Variants in SPATS2 observed in about 807,000 individuals in gnomAD.
SPATS2 encodes spermatogenesis-associated serine-rich protein 2.
A neutral mutation model predicts 63.7 loss-of-function variants in SPATS2; 38 were observed. That is an observed-to-expected ratio of 0.60 (90% CI 0.46 to 0.78). SPATS2 has a LOEUF of 0.78. Among genes scored for constraint, SPATS2 ranks in the 30% least tolerant of loss-of-function variants. SPATS2 has a pLI of 0.00. For missense variants in SPATS2, 588 were observed against 666.2 expected, an observed-to-expected ratio of 0.88 and a Z score of 1.29; for synonymous variants, 207 against 232.9, an observed-to-expected ratio of 0.89 and a Z score of 1.01.
chr12:49,449,395 T>C (rs1945576985), intron 2 of SPATS2, among the ~76,000 whole-genome samples: 1 of 152,150 alleles, frequency 6.6e-6, no homozygotes, highest in Non-Finnish European at 1.5e-5. Flanking sequence ...TTTGTATTTT[T>C]AGTAGAAACG....
At chr12:49,473,823 T>C (rs1359138421) in intron 3 of SPATS2, among the ~76,000 whole-genome samples, 1 of 152,250 alleles carries the variant, frequency 6.6e-6, no homozygotes, top group Non-Finnish European at 1.5e-5. Flanking sequence ...TACAGGGTTA[T>C]TCCTTTTACA....
At position 49,478,965 on chromosome 12, in the gene SPATS2, C is replaced by T. The variant is rs1478436455; in HGVS notation, c.26-5625C>T. ...GGGTACCTCCTCTCTGTAGGCAGGTCGTCTCCTACAGAGTATTCAGCTCTC... is the reference window on the plus strand; with the variant it reads ...GGGTACCTCCTCTCTGTAGGCAGGTTGTCTCCTACAGAGTATTCAGCTCTC... On this transcript the variant is annotated intron_variant, in intron 3 of 13. Transcript: ENST00000552918. Among the ~76,000 whole-genome samples the T allele has an allele frequency of 2.6e-5, 4 of 152,026 alleles. No homozygotes were observed. In the East Asian group the frequency reaches 5.8e-4, roughly 22 times the overall value.
intron 7 of SPATS2, 50 bp downstream of exon 7, chr12:49,495,052 G>C (rs749211101): frequency 2.5e-5 from 37 of 1,463,994 alleles, no homozygotes; most frequent in Non-Finnish European, 3.3e-5. Flanking sequence ...TGAAAAACAG[G>C]GTTCTCCTCG....
At chr12:49,444,783 T>C (rs1432119696) in intron 2 of SPATS2, among the ~76,000 whole-genome samples, 1 of 152,034 alleles carries the variant, frequency 6.6e-6, no homozygotes, top group Non-Finnish European at 1.5e-5. Flanking sequence ...TTTGTATTTT[T>C]AGTAGAGATG....
intron 2 of SPATS2, among the ~76,000 whole-genome samples, chr12:49,448,731 AAAAG>A (rs1446731952): frequency 2.0e-5 from 3 of 151,794 alleles, no homozygotes; most frequent in Non-Finnish European, 4.4e-5. Flanking sequence ...AAAAAAAAAA[AAAAG>A]CATGTTCTTT....
chr12:49,385,896 T>G (rs1373000826), intron 2 of SPATS2, among the ~76,000 whole-genome samples: 4 of 149,662 alleles, frequency 2.7e-5, no homozygotes. Flanking sequence ...TGAGACAGAG[T>G]CTTGCTCTGT....
chr12:49,472,285 C>T (rs1294067137), intron 3 of SPATS2, among the ~76,000 whole-genome samples: 40 of 151,878 alleles, frequency 2.6e-4, no homozygotes, highest in Admixed American at 2.6e-3. Context: ...TTTCCACCCA[C>T]CTCCAATGGG....
At chr12:49,408,048 T>G (rs1379964142) in intron 2 of SPATS2, among the ~76,000 whole-genome samples, 1 of 152,140 alleles carries the variant, frequency 6.6e-6, no homozygotes, top group Non-Finnish European at 1.5e-5. Context: ...AAATGGTAGG[T>G]TACAGACTGT....
At chr12:49,471,891 GGATTCCCA>G (rs1232604361) in intron 3 of SPATS2, among the ~76,000 whole-genome samples, 1 of 152,076 alleles carries the variant, frequency 6.6e-6, no homozygotes, top group Non-Finnish European at 1.5e-5. Context: ...GCTCGTACCT[GGATTCCCA>G]GTACTTTGGG....
intron 9 of SPATS2, among the ~76,000 whole-genome samples, chr12:49,502,403 G>A (rs1946580651): frequency 6.6e-6 from 1 of 152,190 alleles, no homozygotes; most frequent in Non-Finnish European, 1.5e-5. Flanking sequence ...TGAACTCTAA[G>A]TTTTACTTTT....
intron 2 of SPATS2, among the ~76,000 whole-genome samples, chr12:49,378,459 G>A (rs549896099): frequency 4.5e-4 from 68 of 151,234 alleles, no homozygotes; most frequent in African/African-American, 1.4e-3. Flanking sequence ...CTCCACGCCC[G>A]GCTAATTTTT....
intron 2 of SPATS2, among the ~76,000 whole-genome samples, chr12:49,439,801 T>C (rs1945384002): frequency 6.6e-6 from 1 of 152,222 alleles, no homozygotes; most frequent in Non-Finnish European, 1.5e-5. Flanking sequence ...TTCTTACTAC[T>C]GCCAGGAACA....
intron 2 of SPATS2, among the ~76,000 whole-genome samples, chr12:49,383,120 C>T (rs908191836): frequency 1.3e-5 from 2 of 150,890 alleles, no homozygotes; most frequent in Non-Finnish European, 3.0e-5. Flanking sequence ...CGGGTTCAAG[C>T]GATTCTCCTG....
chr12:49,496,319 C>T lies in SPATS2; in HGVS notation c.527-514C>T, dbSNP rs551806716. ...TGAGAGACCTGGTCTCTCTCTGTTG[C>T]CCAAGCTGGTCTTAAACTCCTGTGC... On this transcript the variant is annotated intron_variant, in intron 7 of 13. Transcript: ENST00000552918. Among the ~76,000 whole-genome samples, 113 of 152,278 alleles carry T rather than the reference C, an allele frequency of 7.4e-4. 1 individual carries two copies. Among genetic ancestry groups the T allele is most frequent in the African/African-American group, 2.4e-3 (100 of 41,562 alleles).
At chr12:49,483,649 TGTACTAGA>T (rs1946242833) in intron 3 of SPATS2, among the ~76,000 whole-genome samples, 1 of 152,256 alleles carries the variant, frequency 6.6e-6, no homozygotes, top group Non-Finnish European at 1.5e-5. Flanking sequence ...ATTTGGAAAG[TGTACTAGA>T]GTATTACCGT....
chr12:49,399,747 G>GA (rs1210628357), intron 2 of SPATS2, among the ~76,000 whole-genome samples: 1 of 152,074 alleles, frequency 6.6e-6, no homozygotes, highest in Non-Finnish European at 1.5e-5. Context: ...GTTAAAATAT[G>GA]AAAAAAATGG....
chr12:49,405,436 G>A (rs1172064083), intron 2 of SPATS2, among the ~76,000 whole-genome samples: 4 of 152,190 alleles, frequency 2.6e-5, no homozygotes, highest in Middle Eastern at 3.4e-3. Context: ...CGTGGCTCAC[G>A]CCTGAATTTG....
chr12:49,407,661 C>T (rs576222764), intron 2 of SPATS2, among the ~76,000 whole-genome samples: 6 of 152,144 alleles, frequency 3.9e-5, no homozygotes, highest in Non-Finnish European at 8.8e-5. Flanking sequence ...TCGCCTTTAC[C>T]CTGCTTCATT....
intron 2 of SPATS2, among the ~76,000 whole-genome samples, chr12:49,418,298 A>T (rs191869495): frequency 0.016 from 2,361 of 151,388 alleles, 62 homozygotes; most frequent in African/African-American, 0.054. Flanking sequence ...ATTTTAATTT[A>T]ATTTAATTTT....
Sources: allele counts gnomAD v4.1 joint callset (sites outside exome capture counted in the v4.1 genomes callset), GRCh38; gene constraint gnomAD v4.1.1; transcripts MANE v1.5; gene names NCBI Gene and HGNC (gene_info 2026-07-23, HGNC 2026-07-21).